Variants in MAP2 observed in about 807,000 individuals in gnomAD.
The protein encoded by MAP2 is microtubule associated protein 2, also known as microtubule-associated protein 2.
In MAP2, 14 loss-of-function variants were observed where a neutral mutation model predicts 137.6. The observed-to-expected ratio is 0.10, with a 90% CI of 0.07 to 0.16. The LOEUF is 0.16. Ranked by LOEUF, MAP2 falls within the 10% of genes least tolerant of loss-of-function variation. MAP2 has a pLI of 1.00. For synonymous variants in MAP2, 786 were observed against 782.3 expected (o/e 1.00, Z -0.08); for missense variants, 2,088 against 2,191.5 (o/e 0.95, Z 0.94).
At chr2:209,468,010 A>G (rs1559199775) in intron 1 of MAP2, among the ~76,000 whole-genome samples, 1 of 152,328 alleles carries the variant, frequency 6.6e-6, no homozygotes, top group African/African-American at 2.4e-5. Flanking sequence ...TATGACAGGG[A>G]TCACATTTTA....
At chr2:209,441,846 T>C (rs1484883898) in intron 1 of MAP2, among the ~76,000 whole-genome samples, 1 of 151,574 alleles carries the variant, frequency 6.6e-6, no homozygotes, top group African/African-American at 2.4e-5. Context: ...CTTAGGAAGT[T>C]ACTACATTAG....
At chr2:209,474,645 T>G (rs1273862455) in intron 1 of MAP2, among the ~76,000 whole-genome samples, 1 of 152,000 alleles carries the variant, frequency 6.6e-6, no homozygotes, top group Admixed American at 6.6e-5. Context: ...TTACAAAAAT[T>G]AACTGTTCGT....
intron 2 of MAP2, among the ~76,000 whole-genome samples, chr2:209,511,891 A>C (rs570212053): frequency 7.2e-5 from 11 of 152,154 alleles, no homozygotes; most frequent in African/African-American, 2.6e-4. Context: ...TGACTGAATC[A>C]TTAATATTTA....
intron 12 of MAP2, among the ~76,000 whole-genome samples, chr2:209,708,212 C>T (rs906215238): frequency 1.3e-5 from 2 of 152,202 alleles, no homozygotes; most frequent in African/African-American, 2.4e-5. Context: ...CAAACCAGGA[C>T]ATGGAAGTTA....
chr2:209,643,257 G>GTA (rs1490308354), intron 4 of MAP2, among the ~76,000 whole-genome samples: 8 of 152,120 alleles, frequency 5.3e-5, no homozygotes, highest in Admixed American at 6.5e-5. Context: ...ATTTTTGAGA[G>GTA]TAGTTAGTGC....
At chr2:209,467,770 TCTC>T (rs1047168203) in intron 1 of MAP2, among the ~76,000 whole-genome samples, 1 of 152,192 alleles carries the variant, frequency 6.6e-6, no homozygotes, top group Admixed American at 6.5e-5. Flanking sequence ...CAATCTCTCT[TCTC>T]CACCACTTAT....
chr2:209,595,668 T>C (rs2081063443), intron 3 of MAP2, among the ~76,000 whole-genome samples: 1 of 152,238 alleles, frequency 6.6e-6, no homozygotes, highest in African/African-American at 2.4e-5. Flanking sequence ...TGTATGTTTA[T>C]TGCGGCCCTA....
chr2:209,457,596 T>A (rs925573206), intron 1 of MAP2, among the ~76,000 whole-genome samples: 3 of 152,160 alleles, frequency 2.0e-5, no homozygotes, highest in Non-Finnish European at 4.4e-5. Context: ...GACCTGAACA[T>A]GTAGCTTATT....
Position 209,670,165 on chromosome 2 carries a change from C to T in MAP2, c.263-8407C>T, listed in dbSNP as rs1036249068. 2.6e-5 allele frequency among the ~76,000 whole-genome samples: 4 copies of T among 152,008 alleles called. No individual in the cohort carries two copies. In the East Asian group the frequency reaches 7.7e-4, roughly 29 times the overall value. On this transcript the variant is annotated intron_variant, in intron 5 of 15. Coordinates refer to ENST00000682079, the MANE Select transcript of MAP2 (RefSeq NM_001375505.1). The stretch of plus-strand genomic sequence containing the variant: ...TTGAAAATTTCAGGGGAGCAAACCT[C>T]TCTAGGAATTTCTCTTTCTCAAGTT...
At position 209,676,838 on chromosome 2, in the gene MAP2, G is replaced by T. The variant is rs577578242; in HGVS notation, c.263-1734G>T. Among the ~76,000 whole-genome samples, 5 of 146,076 alleles carry T rather than the reference G, an allele frequency of 3.4e-5. No individual in the cohort carries two copies. The East Asian group carries it at 1.0e-3, about 29-fold the overall frequency. On this transcript the variant is annotated intron_variant, in intron 5 of 15. Transcript: ENST00000682079. ...CTCAATTTTTCCATAAATCACTGGG[G>T]TGCTAGAAGAAGCTACCTCACTCTA... is the stretch of plus-strand genomic sequence containing the variant.
chr2:209,543,645 C>T (rs966761962), intron 2 of MAP2, among the ~76,000 whole-genome samples: 3 of 152,304 alleles, frequency 2.0e-5, no homozygotes, highest in African/African-American at 7.2e-5. Flanking sequence ...GGTAATAGAA[C>T]ATTTGGAAAA....
At chr2:209,485,429 T>C (rs1198559694) in intron 1 of MAP2, among the ~76,000 whole-genome samples, 2 of 152,230 alleles carry the variant, frequency 1.3e-5, no homozygotes, top group Non-Finnish European at 2.9e-5. Flanking sequence ...CATGTTATTA[T>C]TGAAAACACT....
At chr2:209,514,733 A>G (rs1431663883) in intron 2 of MAP2, among the ~76,000 whole-genome samples, 1 of 152,146 alleles carries the variant, frequency 6.6e-6, no homozygotes, top group Admixed American at 6.6e-5. Context: ...TAGTAGTACA[A>G]GGGATAAACT....
At chr2:209,482,551 A>G (rs188401797) in intron 1 of MAP2, among the ~76,000 whole-genome samples, 5 of 152,314 alleles carry the variant, frequency 3.3e-5, no homozygotes, top group Admixed American at 3.3e-4. Context: ...AAGTGAGCAG[A>G]TTTTTGCAAA....
intron 1 of MAP2, among the ~76,000 whole-genome samples, 200 bp from the exon 2 acceptor site, chr2:209,507,392 A>G (rs1415507813): frequency 6.6e-6 from 1 of 152,168 alleles, no homozygotes; most frequent in African/African-American, 2.4e-5. Context: ...ATTTTTTTCA[A>G]TAAAATGTAG....
At chr2:209,648,621 C>CAAAAAAAAAAAAA in intron 4 of MAP2, among the ~76,000 whole-genome samples, 1 of 51,024 alleles carries the variant, frequency 2.0e-5, no homozygotes, top group East Asian at 6.4e-4. Context: ...ACTAAAAATA[C>CAAAAAAAAAAAAA]AAAAAAAAAA....
chr2:209,538,645 T>C lies in MAP2; in HGVS notation c.-172+31004T>C, dbSNP rs140966012. The stretch of plus-strand genomic sequence containing the variant: ...ATTGGAAAAGATGAAGGCTAGCGCC[T>C]GGTACACTTTGGATTAAAATACGTA... On this transcript the variant is annotated intron_variant, in intron 2 of 15. Coordinates refer to ENST00000682079, the MANE Select transcript of MAP2 (RefSeq NM_001375505.1). 1.3e-3 allele frequency among the ~76,000 whole-genome samples: 194 copies of C among 151,874 alleles called. 2 individuals are homozygous for C. In the East Asian group the frequency reaches 0.027, roughly 21 times the overall value.
chr2:209,712,475 A>G (rs2065835486), intron 13 of MAP2, among the ~76,000 whole-genome samples: 1 of 152,168 alleles, frequency 6.6e-6, no homozygotes, highest in South Asian at 2.1e-4. Context: ...ATGACTTTGG[A>G]AAAAATCCAC....
intron 3 of MAP2, among the ~76,000 whole-genome samples, chr2:209,587,364 G>A (rs113451596): frequency 4.2e-4 from 64 of 152,156 alleles, no homozygotes; most frequent in African/African-American, 1.4e-3. Context: ...TCTGACTTCA[G>A]GAAAGCATTT....
Sources: gnomAD v4.1 joint callset for allele counts (sites outside exome capture counted in the v4.1 genomes callset) on GRCh38, gnomAD v4.1.1 for gene constraint, MANE v1.5 for transcripts, NCBI Gene and HGNC (gene_info 2026-07-23, HGNC 2026-07-21) for gene names.